BSN: variants seen among roughly 807,000 people sequenced by gnomAD.
BSN encodes the protein protein bassoon.
A neutral mutation model predicts 264.8 loss-of-function variants in BSN; 57 were observed. The observed-to-expected ratio is 0.22, with a 90% CI of 0.17 to 0.27. The LOEUF (loss-of-function observed/expected upper bound fraction) is 0.27. BSN is among the 10% of genes least tolerant of loss of function. The probability of loss-of-function intolerance (pLI) is 1.00; values close to 1 mark genes in which losing one functional copy is unlikely to be tolerated. For missense variants in BSN, 4,615 were observed against 5,232.5 expected (o/e 0.88, Z 3.64); for synonymous variants, 2,059 against 2,137.3 (o/e 0.96, Z 1.01).
chr3:49,662,644 G>A (rs1437709560), intron 6 of BSN, 82 bp downstream of exon 6: 7 of 1,517,212 alleles, frequency 4.6e-6, no homozygotes, highest in Non-Finnish European at 6.2e-6. Flanking sequence ...GCCCTAAGAT[G>A]TCCCAGCAGG....
In BSN at chr3:49,657,354, C is replaced by T. The variant is rs528765192; in HGVS notation, c.7798C>T (p.Arg2600Trp). 69 of 1,613,306 alleles carry T rather than the reference C, an allele frequency of 4.3e-5. 1 individual carries two copies. Among genetic ancestry groups the T allele is most frequent in the South Asian group, 3.7e-4 (34 of 91,078 alleles). ...TGGGGAGAGCCGCTACCTCTTGAGTCGGCGACGCCGGGCACGGCGGAGTGC... is the reference window on the plus strand; with the variant it reads ...TGGGGAGAGCCGCTACCTCTTGAGTTGGCGACGCCGGGCACGGCGGAGTGC... The part of the protein sequence containing the change: ...EDGESRYLLS[R>W]RRRARRSADC... Residue 2600 changes from arginine to tryptophan, a missense_variant, in exon 5 of 12, where the codon CGG becomes TGG. Transcript: ENST00000296452.
At chr3:49,599,251 C>A (rs566661754) in intron 1 of BSN, among the ~76,000 whole-genome samples, 1 of 152,180 alleles carries the variant, frequency 6.6e-6, no homozygotes, top group Admixed American at 6.5e-5. Context: ...ACATCCTGCT[C>A]TGATTGCTCA....
chr3:49,605,268 T>C (rs185780833), intron 1 of BSN, among the ~76,000 whole-genome samples: 27 of 106,786 alleles, frequency 2.5e-4, no homozygotes, highest in African/African-American at 1.0e-3. Context: ...AAAAAATATA[T>C]ATATACATAT....
chr3:49,581,262 G>C lies in BSN; in HGVS notation c.224+26436G>C, dbSNP rs192542107. Among the ~76,000 whole-genome samples the C allele has an allele frequency of 4.1e-3, 623 of 152,286 alleles. 5 individuals are homozygous for C. The highest frequency in any genetic ancestry group is 7.2e-3 in the Non-Finnish European group (488 of 68,034). ...AGCCTCCTAAAGTGCTGGAATTACA[G>C]GCATGAGCCACTGCGCCTGGCCTAT... is the stretch of plus-strand genomic sequence containing the variant. On this transcript the variant is annotated intron_variant, in intron 1 of 11. Coordinates refer to ENST00000296452, the MANE Select transcript of BSN (RefSeq NM_003458.4).
intron 6 of BSN, 62 bp from the exon 7 acceptor site, chr3:49,662,814 A>G: frequency 1.3e-6 from 2 of 1,512,158 alleles, no homozygotes; most frequent in Non-Finnish European, 1.8e-6. Flanking sequence ...GCATGGCTTC[A>G]GCTAGGCCTC....
rs775230065 is a variant in BSN, at chr3:49,651,822, G to A, written c.2266G>A (p.Glu756Lys). 6.2e-6 allele frequency: 10 copies of A among 1,613,874 alleles called. No individual in the cohort carries two copies. Among genetic ancestry groups the A allele is most frequent in the Non-Finnish European group, 7.6e-6 (9 of 1,180,048 alleles). Residue 756 changes from glutamate (E) to lysine (K), a missense_variant, in exon 5 of 12, where the codon GAG (glutamate) becomes AAG (lysine). By Grantham distance (56) the Glu-to-Lys change is moderately conservative (BLOSUM62 1). Transcript: ENST00000296452. This position sits in a 1 kb window ranked among gnomAD's most constrained non-coding sequence, Gnocchi z 5.4. ...SKPLSSGTGE[E>K]QKQRPHSLSI... ...GCCACTCTCCAGCGGTACTGGCGAG[G>A]AGCAGAAGCAGCGGCCCCACTCCTT...
rs150764510 is a variant in BSN, at chr3:49,657,204, C to T, written c.7648C>T (p.Arg2550Cys). Residue 2550 changes from arginine to cysteine, a missense_variant, in exon 5 of 12, where the codon CGT becomes TGT. Physicochemically the swap from Arg to Cys is radical, Grantham distance 180. Coordinates refer to ENST00000296452, the MANE Select transcript of BSN (RefSeq NM_003458.4). ...LQTEEQWEASRSGIKKRHSMP... is the reference protein window; with the variant it reads ...LQTEEQWEASCSGIKKRHSMP... ...AACGGAGGAGCAGTGGGAGGCCAGC[C>T]GTAGTGGCATCAAGAAGCGGCACTC... The T allele has an allele frequency of 2.4e-5, 38 of 1,613,388 alleles. No homozygotes were observed. Among genetic ancestry groups the T allele is most frequent in the South Asian group, 4.4e-5 (4 of 91,088 alleles).
At chr3:49,620,806 G>A (rs539638991) in intron 1 of BSN, among the ~76,000 whole-genome samples, 22 of 152,288 alleles carry the variant, frequency 1.4e-4, no homozygotes, top group East Asian at 3.9e-4. Flanking sequence ...CCAACATGGC[G>A]AAACTCCGAC....
intron 1 of BSN, among the ~76,000 whole-genome samples, chr3:49,604,066 AAT>A (rs1385062631): frequency 6.6e-6 from 1 of 151,996 alleles, no homozygotes; most frequent in Non-Finnish European, 1.5e-5. Flanking sequence ...ATTGTGGTAA[AAT>A]ATATGTCACA....
At position 49,642,205 on chromosome 3, in the gene BSN, G is replaced by A; in HGVS notation, c.634-63G>A. The A allele has an allele frequency of 2.2e-6, 3 of 1,367,022 alleles. No homozygotes were observed. Among genetic ancestry groups the A allele is most frequent in the Middle Eastern group, 1.9e-4 (1 of 5,338 alleles). 84.7% of individuals were successfully genotyped at this position (1,367,022 alleles called of 1,614,324 possible). On this transcript the variant is annotated intron_variant, in intron 2 of 11. Transcript: ENST00000296452. This position sits in a 1 kb window ranked among gnomAD's most constrained non-coding sequence, Gnocchi z 7.0. The stretch of plus-strand genomic sequence containing the variant: ...CCTTGGCTGCTGTGGGGCCTGCACT[G>A]ACCTGGGCCATGAGTACTGCCAATC...
intron 1 of BSN, among the ~76,000 whole-genome samples, chr3:49,601,995 C>G (rs1316522411): frequency 1.3e-5 from 2 of 152,160 alleles, no homozygotes; most frequent in African/African-American, 4.8e-5. Flanking sequence ...CTGACACAAG[C>G]CTTGCCCTAG....
At chr3:49,598,381 G>C (rs2052042090) in intron 1 of BSN, among the ~76,000 whole-genome samples, 1 of 152,208 alleles carries the variant, frequency 6.6e-6, no homozygotes, top group Non-Finnish European at 1.5e-5. Flanking sequence ...TCCCTGAAGT[G>C]TGTAACTTCT....
rs533770316 is a variant in BSN at position 49,664,644 on chromosome 3, A to G, written c.11740+90A>G. On this transcript the variant is annotated intron_variant, in intron 9 of 11. Transcript: ENST00000296452. ...TGATTCCAGACTCAGTCACCCAGGC[A>G]GAGGCCAGCCAGAGAGCCCACCTGC... is the stretch of plus-strand genomic sequence containing the variant. 1.1e-5 allele frequency: 17 copies of G among 1,548,138 alleles called. No homozygotes were observed. The South Asian group carries it at 2.1e-4, about 19-fold the overall frequency.
At position 49,634,471 on chromosome 3, in the gene BSN, C is replaced by A. The variant is rs2052406896; in HGVS notation, c.634-7797C>A. Among the ~76,000 whole-genome samples the A allele has an allele frequency of 2.6e-5, 4 of 152,136 alleles. 1 individual carries two copies. The South Asian group carries it at 8.3e-4, about 31-fold the overall frequency. On this transcript the variant is annotated intron_variant, in intron 2 of 11. Transcript: ENST00000296452. The stretch of plus-strand genomic sequence containing the variant: ...TCGCTTTGTCGCCCAGGCTCAAGTG[C>A]AGTGATGCAATCTTGGCTCACGGCA...
chr3:49,634,021 A>G (rs2052402985), intron 2 of BSN, among the ~76,000 whole-genome samples: 1 of 152,144 alleles, frequency 6.6e-6, no homozygotes, highest in South Asian at 2.1e-4. Flanking sequence ...CTTGGCCAAC[A>G]TGGTGAAACC....
chr3:49,556,287 G>A (rs899417174), intron 1 of BSN, among the ~76,000 whole-genome samples: 1 of 152,196 alleles, frequency 6.6e-6, no homozygotes. Flanking sequence ...AGGCTGCTCT[G>A]CTTGTAGTTT....
chr3:49,577,202 CTATGGCTTG>C (rs2051851325), intron 1 of BSN, among the ~76,000 whole-genome samples: 1 of 152,208 alleles, frequency 6.6e-6, no homozygotes, highest in Non-Finnish European at 1.5e-5. Flanking sequence ...GCTTGTTTCC[CTATGGCTTG>C]TGAGAGGCTT....
intron 1 of BSN, among the ~76,000 whole-genome samples, chr3:49,584,334 C>T (rs2051918108): frequency 6.7e-6 from 1 of 148,530 alleles, no homozygotes; most frequent in African/African-American, 2.5e-5. Context: ...TATTGTCTTT[C>T]TCTATTTTCT....
Position 49,663,541 on chromosome 3 carries a change from A to G in BSN, c.11383A>G (p.Thr3795Ala). 1 of 1,611,192 alleles carries G rather than the reference A, an allele frequency of 6.2e-7. No homozygotes were observed. The highest frequency in any genetic ancestry group is 8.5e-7 in the Non-Finnish European group (1 of 1,179,622). ...LGLQPPQQAL[T>A]QARLQQQSQP... Reference sequence around the variant, plus strand: ...GCTGCAGCCCCCACAGCAGGCTCTGACACAGGCTCGGCTGCAGCAACAGAG... The same window carrying G: ...GCTGCAGCCCCCACAGCAGGCTCTGGCACAGGCTCGGCTGCAGCAACAGAG... Residue 3795 changes from threonine to alanine, a missense_variant, in exon 7 of 12, where the codon ACA becomes GCA. By Grantham distance (58) the Thr-to-Ala change is moderately conservative. Coordinates refer to ENST00000296452, the MANE Select transcript of BSN (RefSeq NM_003458.4).
Sources: gnomAD v4.1 joint callset for allele counts (sites outside exome capture counted in the v4.1 genomes callset) on GRCh38, gnomAD v4.1.1 for gene constraint, Gnocchi (gnomAD v3.1) non-coding constraint, MANE v1.5 for transcripts, NCBI Gene and HGNC (gene_info 2026-07-23, HGNC 2026-07-21) for gene names.